Variants in CYRIA observed in about 807,000 individuals in gnomAD.
The protein encoded by CYRIA is CYFIP-related Rac1 interactor A.
A neutral mutation model predicts 43.9 loss-of-function variants in CYRIA; 15 were observed. The ratio of observed to expected loss-of-function variants is 0.34; its 90% CI spans 0.23 to 0.53. The LOEUF (loss-of-function observed/expected upper bound fraction) is 0.53. CYRIA is among the 20% of genes least tolerant of loss of function. The probability of loss-of-function intolerance (pLI) is 0.94; values close to 1 mark genes in which losing one functional copy is unlikely to be tolerated. For missense variants in CYRIA, 236 were observed against 394.2 expected, an observed-to-expected ratio of 0.60 and a Z score of 3.40; for synonymous variants, 117 against 136.0, an observed-to-expected ratio of 0.86 and a Z score of 0.97.
chr2:16,613,671 C>T (rs1367778500), intron 2 of CYRIA, among the ~76,000 whole-genome samples: 1 of 152,178 alleles, frequency 6.6e-6, no homozygotes, highest in African/African-American at 2.4e-5. Flanking sequence ...ATTAAAAATA[C>T]CAGACCTGGT....
intron 2 of CYRIA, among the ~76,000 whole-genome samples, chr2:16,613,769 C>T (rs568632428): frequency 6.6e-6 from 1 of 152,198 alleles, no homozygotes; most frequent in Non-Finnish European, 1.5e-5. Flanking sequence ...ATTTTCTAAA[C>T]GTGATTCCAC....
chr2:16,565,381 T>A (rs541739045), intron 4 of CYRIA, among the ~76,000 whole-genome samples: 7 of 152,176 alleles, frequency 4.6e-5, no homozygotes, highest in Non-Finnish European at 1.0e-4. Context: ...AGTCTGGGTT[T>A]CACCATGTTG....
intron 2 of CYRIA, among the ~76,000 whole-genome samples, chr2:16,616,626 C>T (rs1419208154): frequency 2.0e-5 from 3 of 152,254 alleles, no homozygotes; most frequent in African/African-American, 7.2e-5. Flanking sequence ...GGCTTTGCAA[C>T]TCAATCATCC....
chr2:16,567,655 A>T (rs1265944075), intron 3 of CYRIA, among the ~76,000 whole-genome samples: 1 of 152,132 alleles, frequency 6.6e-6, no homozygotes, highest in Non-Finnish European at 1.5e-5. Context: ...AAACTGGTAG[A>T]GTTTCCTAAG....
rs545563851 is a variant in CYRIA at position 16,591,335 on chromosome 2, G to A, written c.-10-3206C>T. The stretch of plus-strand genomic sequence containing the variant: ...GAACATTTGTTGGAGATGGCTTATC[G>A]TCTGCTCCTGGATAGCCAAAGCAAA... On this transcript the variant is annotated intron_variant, in intron 2 of 11. Coordinates refer to ENST00000381323, the MANE Select transcript of CYRIA (RefSeq NM_030797.4). Among the ~76,000 whole-genome samples the A allele has an allele frequency of 9.0e-4, 137 of 152,224 alleles. 1 individual carries two copies. The South Asian group carries it at 0.017, about 19-fold the overall frequency.
At chr2:16,651,205 C>T (rs1669966813) in intron 1 of CYRIA, among the ~76,000 whole-genome samples, 2 of 152,144 alleles carry the variant, frequency 1.3e-5, no homozygotes, top group East Asian at 3.9e-4. Flanking sequence ...CCAAGCTAGG[C>T]TGACTTCTAA....
chr2:16,563,886 G>T, intron 5 of CYRIA, 103 bp downstream of exon 5: 1 of 722,596 alleles, frequency 1.4e-6, no homozygotes. Flanking sequence ...ACAGTGGATG[G>T]ATGTGGGACA....
At chr2:16,603,125 A>G (rs1668266684) in intron 2 of CYRIA, among the ~76,000 whole-genome samples, 2 of 152,076 alleles carry the variant, frequency 1.3e-5, no homozygotes, top group African/African-American at 4.8e-5. Context: ...GTCGGACAGA[A>G]TGCATTCAAA....
intron 1 of CYRIA, among the ~76,000 whole-genome samples, chr2:16,658,881 C>T (rs563633744): frequency 3.3e-5 from 5 of 152,306 alleles, no homozygotes; most frequent in East Asian, 3.9e-4. Context: ...TCTTGTGTTC[C>T]TTCCCATGAC....
chr2:16,605,869 C>A (rs1668379902), intron 2 of CYRIA, among the ~76,000 whole-genome samples: 1 of 152,166 alleles, frequency 6.6e-6, no homozygotes, highest in African/African-American at 2.4e-5. Flanking sequence ...GTCATGGGCA[C>A]CGCTGAGCAA....
At chr2:16,604,189 A>C (rs1668299206) in intron 2 of CYRIA, among the ~76,000 whole-genome samples, 1 of 152,222 alleles carries the variant, frequency 6.6e-6, no homozygotes, top group Non-Finnish European at 1.5e-5. Flanking sequence ...AACAGAGTAG[A>C]GGAAAACAGT....
intron 2 of CYRIA, among the ~76,000 whole-genome samples, chr2:16,616,364 T>C: frequency 6.6e-6 from 1 of 152,176 alleles, no homozygotes; most frequent in Non-Finnish European, 1.5e-5. Flanking sequence ...TTTCCCACTA[T>C]CCCATTCACA....
intron 3 of CYRIA, among the ~76,000 whole-genome samples, chr2:16,579,449 GCT>G (rs200695988): frequency 8.8e-6 from 1 of 113,700 alleles, no homozygotes. Context: ...ACACACACTC[GCT>G]CTCTCTCTCT....
chr2:16,590,546 A>T (rs1261682929), intron 2 of CYRIA, among the ~76,000 whole-genome samples: 1 of 152,146 alleles, frequency 6.6e-6, no homozygotes, highest in East Asian at 1.9e-4. Context: ...CTGTCAGAGT[A>T]CCTAAGTAGA....
intron 3 of CYRIA, among the ~76,000 whole-genome samples, chr2:16,574,619 G>A (rs757207973): frequency 3.3e-5 from 5 of 152,196 alleles, no homozygotes; most frequent in Non-Finnish European, 5.9e-5. Context: ...AGTTTCTCTA[G>A]CTGTGACTAA....
At chr2:16,607,593 C>T (rs1668452190) in intron 2 of CYRIA, among the ~76,000 whole-genome samples, 2 of 151,990 alleles carry the variant, frequency 1.3e-5, no homozygotes, top group Non-Finnish European at 2.9e-5. Flanking sequence ...TTGCTTCTGC[C>T]TTTTTTCTTT....
intron 3 of CYRIA, among the ~76,000 whole-genome samples, chr2:16,572,192 ATC>A (rs891272053): frequency 5.3e-5 from 8 of 152,148 alleles, no homozygotes; most frequent in African/African-American, 1.9e-4. Context: ...AAGCCAAGTA[ATC>A]TCTCTGGGTC....
rs1198641877 is a variant in CYRIA, at chr2:16,551,103, CT to C, written c.*1832del. The C allele has an allele frequency of 6.6e-6, 1 of 152,068 alleles. No homozygotes were observed. The highest frequency in any genetic ancestry group is 1.5e-5 in the Non-Finnish European group (1 of 67,984). The allele number at this position is 152,068 out of a possible 1,614,324, so 9.4% of individuals were successfully genotyped here. A position where few individuals can be genotyped will look rare whatever the true frequency, so the allele number is the denominator to read the frequency against. ...CTTGAAAATCTCCAAGGAAAAGAGC[CT>C]TTTCCTTCTGTTGACTAATGTTTAG... On this transcript the variant is annotated 3_prime_UTR_variant, in exon 12 of 12. Coordinates refer to ENST00000381323, the MANE Select transcript of CYRIA (RefSeq NM_030797.4).
At chr2:16,639,557 G>T (rs181572984) in intron 1 of CYRIA, among the ~76,000 whole-genome samples, 150 of 152,340 alleles carry the variant, frequency 9.8e-4, no homozygotes, top group African/African-American at 3.5e-3. Context: ...AGTCTGTGGA[G>T]GATAAAAGCC....
Sources: allele counts gnomAD v4.1 joint callset (sites outside exome capture counted in the v4.1 genomes callset), GRCh38; gene constraint gnomAD v4.1.1; transcripts MANE v1.5; gene names NCBI Gene and HGNC (gene_info 2026-07-23, HGNC 2026-07-21).